Variants in CNNM2 observed in about 807,000 individuals in gnomAD.
The protein encoded by CNNM2 is metal transporter CNNM2.
A neutral mutation model predicts 66.9 loss-of-function variants in CNNM2; 12 were observed. The observed-to-expected ratio is 0.18, with a 90% confidence interval of 0.11 to 0.29. CNNM2 has a LOEUF of 0.29. Among genes scored for constraint, CNNM2 ranks in the 10% least tolerant of loss-of-function variants. The pLI, the probability that CNNM2 is intolerant of heterozygous loss-of-function variation, is 1.00. For missense variants in CNNM2, 705 were observed against 1,167.7 expected (o/e 0.60, Z 5.77); for synonymous variants, 557 against 501.8 (o/e 1.11, Z -1.47).
intron 1 of CNNM2, among the ~76,000 whole-genome samples, chr10:103,022,866 C>G (rs893587218): frequency 6.6e-6 from 1 of 151,996 alleles, no homozygotes; most frequent in Non-Finnish European, 1.5e-5. Context: ...TATCACATGG[C>G]AAGAGAGAGA....
At chr10:103,045,006 C>A (rs1159563363) in intron 1 of CNNM2, among the ~76,000 whole-genome samples, 4 of 152,146 alleles carry the variant, frequency 2.6e-5, no homozygotes, top group South Asian at 2.1e-4. Flanking sequence ...GAGAATAGCG[C>A]CTCAGTGGAA....
chr10:103,062,001 TA>T lies in CNNM2; in HGVS notation c.2073+5040del, dbSNP rs1490522482. Among the ~76,000 whole-genome samples, 3 of 152,172 alleles carry T rather than the reference TA, an allele frequency of 2.0e-5. No individual in the cohort carries two copies. The East Asian group carries it at 5.8e-4, about 29-fold the overall frequency. Reference sequence around the variant, plus strand: ...GGTAGACAAAAAAGAAAAAGTACAATAAATCATATCCTAAACTGGTAGCCTC... The same window carrying T: ...GGTAGACAAAAAAGAAAAAGTACAATAATCATATCCTAAACTGGTAGCCTC... On this transcript the variant is annotated intron_variant, in intron 4 of 7. Coordinates refer to ENST00000369878, the MANE Select transcript of CNNM2 (RefSeq NM_017649.5).
At chr10:103,013,913 C>A (rs1454861975) in intron 1 of CNNM2, among the ~76,000 whole-genome samples, 1 of 152,134 alleles carries the variant, frequency 6.6e-6, no homozygotes, top group East Asian at 1.9e-4. Flanking sequence ...AATTCTAGAT[C>A]TAGGGTCAAG....
At chr10:102,936,002 T>TG (rs917468729) in intron 1 of CNNM2, among the ~76,000 whole-genome samples, 1 of 151,736 alleles carries the variant, frequency 6.6e-6, no homozygotes, top group Non-Finnish European at 1.5e-5. Flanking sequence ...TTTGTTTGTT[T>TG]TTTTGGTTTT....
At position 102,919,531 on chromosome 10, in the gene CNNM2, G is replaced by T; in HGVS notation, c.1051G>T (p.Gly351Cys). Residue 351 changes from glycine to cysteine, a missense_variant, in exon 1 of 8, where the codon GGT becomes TGT. Around this residue, in one of 9 missense-constraint regions of CNNM2, gnomAD observed 49 missense variants for 183.7 expected, o/e 0.27. Transcript: ENST00000369878. The part of the protein sequence containing the change: ...GLVAVVVSTI[G>C]IVIFGEIVPQ... ...CGTGGCCGTGGTAGTCTCCACCATCGGTATCGTCATCTTCGGAGAGATCGT... is the reference window on the plus strand; with the variant it reads ...CGTGGCCGTGGTAGTCTCCACCATCTGTATCGTCATCTTCGGAGAGATCGT... 3 of 1,613,184 alleles carry T rather than the reference G, an allele frequency of 1.9e-6. No individual in the cohort carries two copies. Among genetic ancestry groups the T allele is most frequent in the Non-Finnish European group, 1.7e-6 (2 of 1,180,018 alleles).
intron 1 of CNNM2, among the ~76,000 whole-genome samples, chr10:103,012,285 AC>A (rs1323129119): frequency 4.6e-5 from 7 of 152,108 alleles, no homozygotes; most frequent in Admixed American, 3.9e-4. Flanking sequence ...ATTAGTTAAC[AC>A]CCCCACCACC....
intron 1 of CNNM2, among the ~76,000 whole-genome samples, chr10:103,040,103 G>C (rs563694043): frequency 1.3e-5 from 2 of 152,158 alleles, no homozygotes; most frequent in African/African-American, 4.8e-5. Context: ...GGAGGTAGAG[G>C]TTGTAATGAG....
At chr10:103,023,348 T>C (rs981664797) in intron 1 of CNNM2, among the ~76,000 whole-genome samples, 1 of 151,918 alleles carries the variant, frequency 6.6e-6, no homozygotes, top group African/African-American at 2.4e-5. Flanking sequence ...AGGTCAGGAG[T>C]TCGAGACCAG....
At chr10:103,035,141 CTATTATTGGA>C (rs1298740848) in intron 1 of CNNM2, among the ~76,000 whole-genome samples, 1 of 151,998 alleles carries the variant, frequency 6.6e-6, no homozygotes, top group Non-Finnish European at 1.5e-5. Context: ...ATAACTCCTA[CTATTATTGGA>C]TATATTGGAA....
chr10:103,026,749 CAGTGTGTTCTACAGGGAGAATGG>C, intron 1 of CNNM2, among the ~76,000 whole-genome samples: 1 of 152,018 alleles, frequency 6.6e-6, no homozygotes, highest in South Asian at 2.1e-4. Flanking sequence ...GGGCCTCAGT[CAGTGTGTTCTACAGGGAGAATGG>C]AGTGTGTTCA....
At chr10:102,927,551 G>C in intron 1 of CNNM2, 7 of 1,235,508 alleles carry the variant, frequency 5.7e-6, no homozygotes, top group Non-Finnish European at 7.8e-6. Context: ...CTTGAGGTCA[G>C]GAGTTCCAGA....
chr10:102,989,465 CT>C (rs936452894), intron 1 of CNNM2, among the ~76,000 whole-genome samples: 3 of 151,200 alleles, frequency 2.0e-5, no homozygotes, highest in African/African-American at 7.3e-5. Context: ...AAAATATTTG[CT>C]TTATGTTCTT....
chr10:103,013,446 C>T (rs562794540), intron 1 of CNNM2, among the ~76,000 whole-genome samples: 11 of 152,204 alleles, frequency 7.2e-5, no homozygotes, highest in Admixed American at 7.2e-4. Context: ...ACTTACTGTG[C>T]ACTGGAAGGA....
intron 1 of CNNM2, among the ~76,000 whole-genome samples, chr10:102,929,209 G>A (rs751372448): frequency 4.6e-5 from 7 of 152,080 alleles, no homozygotes; most frequent in Admixed American, 2.6e-4. Context: ...GCAGTGAGCC[G>A]AGATCATGCC....
intron 1 of CNNM2, among the ~76,000 whole-genome samples, chr10:102,939,224 T>G (rs1337308193): frequency 1.3e-5 from 2 of 152,244 alleles, no homozygotes; most frequent in African/African-American, 4.8e-5. Flanking sequence ...TAAGGCTTAC[T>G]TAGCTTCAGT....
At chr10:103,003,994 T>C (rs1038790247) in intron 1 of CNNM2, among the ~76,000 whole-genome samples, 5 of 128,760 alleles carry the variant, frequency 3.9e-5, no homozygotes, top group Non-Finnish European at 8.3e-5. Context: ...AATTTTTTTT[T>C]TTTTTTTTTT....
chr10:102,941,650 C>T (rs1488915205), intron 1 of CNNM2, among the ~76,000 whole-genome samples: 1 of 152,180 alleles, frequency 6.6e-6, no homozygotes, highest in East Asian at 1.9e-4. Flanking sequence ...TTGCAGCTTG[C>T]TCCCTCCTTC....
At chr10:103,006,553 T>C (rs150867084) in intron 1 of CNNM2, among the ~76,000 whole-genome samples, 1 of 152,244 alleles carries the variant, frequency 6.6e-6, no homozygotes, top group African/African-American at 2.4e-5. Flanking sequence ...AAAAAGGCCT[T>C]ATATTCCTAA....
intron 5 of CNNM2, among the ~76,000 whole-genome samples, chr10:103,070,895 A>ACT (rs1457543636): frequency 6.6e-6 from 1 of 151,982 alleles, no homozygotes; most frequent in African/African-American, 2.4e-5. Flanking sequence ...ACGCCACTGT[A>ACT]CTCCAGCCCA....
Sources: allele counts gnomAD v4.1 joint callset (sites outside exome capture counted in the v4.1 genomes callset), GRCh38; gene constraint gnomAD v4.1.1; regional missense constraint gnomAD v4.1.1; transcripts MANE v1.5; gene names NCBI Gene and HGNC (gene_info 2026-07-23, HGNC 2026-07-21).